Variants in SNX25 observed in about 807,000 individuals in gnomAD.
The protein encoded by SNX25 is sorting nexin-25.
SNX25 carries 62 observed loss-of-function variants against 113.7 expected under a neutral mutation model. The ratio of observed to expected loss-of-function variants is 0.55; its 90% CI spans 0.44 to 0.67. The LOEUF (loss-of-function observed/expected upper bound fraction) is 0.67. SNX25 is among the 30% of genes least tolerant of loss of function. The probability of loss-of-function intolerance (pLI) is 0.00; values close to 1 mark genes in which losing one functional copy is unlikely to be tolerated. For synonymous variants in SNX25, 421 were observed against 436.2 expected (o/e 0.97, Z 0.43); for missense variants, 1,014 against 1,161.0 (o/e 0.87, Z 1.84).
intron 13 of SNX25, among the ~76,000 whole-genome samples, chr4:185,349,198 T>A (rs917373192): frequency 4.6e-5 from 7 of 151,936 alleles, no homozygotes. Flanking sequence ...TCACAAAAAA[T>A]TCTCATAATG....
chr4:185,287,874 G>A (rs1004986800), intron 5 of SNX25, 138 bp from the exon 6 acceptor site: 13 of 697,596 alleles, frequency 1.9e-5, no homozygotes, highest in Admixed American at 9.3e-5. Context: ...GGTCTATGTC[G>A]GATTATTTTA....
At chr4:185,328,664 A>G (rs887056900) in intron 9 of SNX25, among the ~76,000 whole-genome samples, 4 of 152,194 alleles carry the variant, frequency 2.6e-5, no homozygotes, top group Non-Finnish European at 5.9e-5. Context: ...ATGTGTAGGA[A>G]TTCCCTGTGA....
intron 6 of SNX25, among the ~76,000 whole-genome samples, chr4:185,299,227 A>T (rs961417125): frequency 1.3e-5 from 2 of 152,170 alleles, no homozygotes; most frequent in East Asian, 1.9e-4. Context: ...GCACATGCGC[A>T]TAGAAAAAGA....
chr4:185,223,120 CA>C (rs1740254967), intron 1 of SNX25, among the ~76,000 whole-genome samples: 2 of 152,178 alleles, frequency 1.3e-5, no homozygotes, highest in Admixed American at 1.3e-4. Flanking sequence ...AAACCCCATA[CA>C]CCCCTTTGTA....
intron 9 of SNX25, among the ~76,000 whole-genome samples, chr4:185,329,179 G>C (rs1416503983): frequency 6.6e-6 from 1 of 152,178 alleles, no homozygotes; most frequent in African/African-American, 2.4e-5. Context: ...CTGAGAATTT[G>C]AAAGTCAAAG....
At chr4:185,327,925 G>C (rs1256992343) in intron 9 of SNX25, among the ~76,000 whole-genome samples, 1 of 152,170 alleles carries the variant, frequency 6.6e-6, no homozygotes, top group Non-Finnish European at 1.5e-5. Context: ...GAAATTGCTT[G>C]ATCGATAAAT....
chr4:185,243,286 A>G (rs1272911891), intron 1 of SNX25, among the ~76,000 whole-genome samples: 2 of 152,196 alleles, frequency 1.3e-5, no homozygotes, highest in South Asian at 2.1e-4. Context: ...CATTGCCACC[A>G]TCTATCTCCA....
rs201881604 is a variant in SNX25, at chr4:185,315,515, AC to A, written c.1344+4701del. Among the ~76,000 whole-genome samples, 8 of 152,174 alleles carry A rather than the reference AC, an allele frequency of 5.3e-5. No homozygotes were observed. In the East Asian group the frequency reaches 1.2e-3, roughly 22 times the overall value. On this transcript the variant is annotated intron_variant, in intron 7 of 18. Coordinates refer to ENST00000652585, the MANE Select transcript of SNX25 (RefSeq NM_001378034.2). ...CACCATGTTGGCCAGGCTGGTCTCA[AC>A]CTGCTAAGTTCAGGTGATCCGCCTG...
At position 185,360,929 on chromosome 4, in the gene SNX25, TAATATATA is replaced by T. The variant is rs545704637; in HGVS notation, c.2652-994_2652-987del. The stretch of plus-strand genomic sequence containing the variant: ...GCGAGACTCCGTCTCAAAAAAAAAA[TAATATATA>T]TATATATATATATATAGAATCTGTC... On this transcript the variant is annotated intron_variant, in intron 16 of 18. Transcript: ENST00000652585. 9.0e-3 allele frequency among the ~76,000 whole-genome samples: 931 copies of T among 103,868 alleles called. 14 individuals carry two copies. Among genetic ancestry groups the T allele is most frequent in the South Asian group, 0.064 (233 of 3,640 alleles). The allele number at this position is 103,868 out of a possible 152,430, so 68.1% of individuals were successfully genotyped here. A position where few individuals can be genotyped will look rare whatever the true frequency, so the allele number is the denominator to read the frequency against.
intron 7 of SNX25, among the ~76,000 whole-genome samples, chr4:185,314,324 CAAAAA>C (rs35324892): frequency 0.01 from 776 of 75,356 alleles, 8 homozygotes; most frequent in South Asian, 0.086. Context: ...CCCCTCTCTA[CAAAAA>C]AAAAAAAAAA....
At chr4:185,206,093 T>C (rs557512271), upstream of SNX25, among the ~76,000 whole-genome samples, 1 of 152,034 alleles carries the variant, frequency 6.6e-6, no homozygotes, top group African/African-American at 2.4e-5. Context: ...CTGTGGAAAA[T>C]AGTATGGCAT....
chr4:185,208,599 G>A (rs1387740269), upstream of SNX25, among the ~76,000 whole-genome samples: 3 of 151,858 alleles, frequency 2.0e-5, no homozygotes, highest in East Asian at 3.9e-4. Flanking sequence ...GTGGTGGTGC[G>A]TGCCTGTAAT....
intron 3 of SNX25, among the ~76,000 whole-genome samples, chr4:185,260,647 G>A (rs921097522): frequency 2.0e-5 from 3 of 152,144 alleles, no homozygotes; most frequent in African/African-American, 4.8e-5. Flanking sequence ...CCTTAGCCAC[G>A]GGAGTGATGA....
chr4:185,258,945 G>A lies in SNX25; in HGVS notation c.612G>A (p.Trp204Ter). The change falls in exon 3 of 19, where the codon TGG (tryptophan) becomes TGA (stop). Residue 204 changes from tryptophan (W) to a stop codon, truncating the protein, a stop_gained. Transcript: ENST00000652585. LOFTEE classifies it high-confidence loss of function. ...ACCATCTGCTCTTGGAAGACTTTTG[G>A]GAAATTGCCAGACAGCTGCACCACA... ...QLYHLLLEDFWEIARQLHHRL... is the reference protein window; with the variant it reads ...QLYHLLLEDF 6.2e-7 allele frequency: 1 copy of A among 1,614,112 alleles called. No individual in the cohort carries two copies. The highest frequency in any genetic ancestry group is 8.5e-7 in the Non-Finnish European group (1 of 1,180,020).
At chr4:185,212,491 G>GTGTGTGTTT (rs546083196) in intron 1 of SNX25, among the ~76,000 whole-genome samples, 4 of 104,940 alleles carry the variant, frequency 3.8e-5, no homozygotes, top group East Asian at 2.7e-4. Context: ...GTGTGTGTGT[G>GTGTGTGTTT]TTTTTTTTTT....
At chr4:185,327,175 CT>C (rs2095162748) in intron 9 of SNX25, among the ~76,000 whole-genome samples, 2 of 152,090 alleles carry the variant, frequency 1.3e-5, no homozygotes, top group South Asian at 4.1e-4. Context: ...GCAACCTTTA[CT>C]TTTGTTGGTA....
intron 1 of SNX25, among the ~76,000 whole-genome samples, chr4:185,245,409 C>T (rs1201259602): frequency 1.3e-5 from 2 of 151,874 alleles, no homozygotes; most frequent in Non-Finnish European, 2.9e-5. Context: ...GAGATCTCAA[C>T]TCACTGCAAC....
At chr4:185,246,219 AGGTTGCAGTGAGCTGAGT>A (rs1390410545) in intron 1 of SNX25, among the ~76,000 whole-genome samples, 4 of 152,178 alleles carry the variant, frequency 2.6e-5, no homozygotes, top group Admixed American at 1.3e-4. Context: ...TGGGAGGCGG[AGGTTGCAGTGAGCTGAGT>A]GGTTGCAGTG....
intron 9 of SNX25, among the ~76,000 whole-genome samples, chr4:185,330,446 CTT>C (rs1259430770): frequency 6.6e-6 from 1 of 152,170 alleles, no homozygotes; most frequent in East Asian, 1.9e-4. Flanking sequence ...TCAAGGGAAA[CTT>C]TAAAATGGCG....
Sources: gnomAD v4.1 joint callset for allele counts (sites outside exome capture counted in the v4.1 genomes callset) on GRCh38, gnomAD v4.1.1 for gene constraint, MANE v1.5 for transcripts, NCBI Gene and HGNC (gene_info 2026-07-23, HGNC 2026-07-21) for gene names.